Variants in XPNPEP3 observed in about 807,000 individuals in gnomAD.
XPNPEP3 encodes X-prolyl aminopeptidase 3.
Under a neutral mutation model 60.0 loss-of-function variants are expected in XPNPEP3, and 41 were observed. That is an observed-to-expected ratio of 0.68 (90% CI 0.53 to 0.89). XPNPEP3 has a LOEUF of 0.89. Ranked by LOEUF, XPNPEP3 falls within the 40% of genes least tolerant of loss-of-function variation. XPNPEP3 has a pLI of 0.00. For synonymous variants in XPNPEP3, 212 were observed against 223.2 expected (o/e 0.95, Z 0.45); for missense variants, 598 against 638.9 (o/e 0.94, Z 0.69).
At chr22:40,915,517 A>G (rs1245179446) in intron 7 of XPNPEP3, among the ~76,000 whole-genome samples, 1 of 150,780 alleles carries the variant, frequency 6.6e-6, no homozygotes, top group Non-Finnish European at 1.5e-5. Context: ...TGGACTCTGC[A>G]CTCCAGCCTG....
At chr22:40,889,583 T>G (rs1461602757) in intron 4 of XPNPEP3, among the ~76,000 whole-genome samples, 1 of 152,200 alleles carries the variant, frequency 6.6e-6, no homozygotes, top group Non-Finnish European at 1.5e-5. Flanking sequence ...ATCTCAGCAC[T>G]GAGGCCAAGG....
At chr22:40,872,461 T>G (rs957207434) in intron 2 of XPNPEP3, among the ~76,000 whole-genome samples, 3 of 152,130 alleles carry the variant, frequency 2.0e-5, no homozygotes, top group Admixed American at 1.3e-4. Flanking sequence ...TACTTTTTTT[T>G]TTTTTTGAGA....
chr22:40,873,054 A>G (rs1264274482), intron 2 of XPNPEP3, among the ~76,000 whole-genome samples: 2 of 145,906 alleles, frequency 1.4e-5, no homozygotes, highest in Non-Finnish European at 3.0e-5. Context: ...TGTCTGACAT[A>G]TGTAGAACCA....
intron 7 of XPNPEP3, among the ~76,000 whole-genome samples, chr22:40,916,287 A>G (rs1177458953): frequency 6.6e-6 from 1 of 151,842 alleles, no homozygotes; most frequent in African/African-American, 2.4e-5. Flanking sequence ...GTGAGACTCC[A>G]TCTCAAACAA....
At chr22:40,899,184 A>T (rs998582420) in intron 4 of XPNPEP3, among the ~76,000 whole-genome samples, 2 of 152,186 alleles carry the variant, frequency 1.3e-5, no homozygotes, top group South Asian at 4.1e-4. Flanking sequence ...TTGCCACTCG[A>T]ATTATTTTAG....
chr22:40,919,972 AT>A (rs1311342771), intron 7 of XPNPEP3, among the ~76,000 whole-genome samples: 2 of 152,242 alleles, frequency 1.3e-5, no homozygotes, highest in African/African-American at 4.8e-5. Context: ...ACAAAAGAGT[AT>A]ATATTATATG....
intron 2 of XPNPEP3, among the ~76,000 whole-genome samples, chr22:40,880,254 T>C (rs544126552): frequency 1.3e-5 from 2 of 151,790 alleles, no homozygotes; most frequent in Admixed American, 1.3e-4. Context: ...AGTATAGAAA[T>C]GGCTGAATAA....
intron 7 of XPNPEP3, among the ~76,000 whole-genome samples, chr22:40,919,318 G>A (rs1191539423): frequency 6.6e-6 from 1 of 152,178 alleles, no homozygotes; most frequent in Admixed American, 6.5e-5. Flanking sequence ...ACTTTGGGAG[G>A]CCAAGGCGAG....
chr22:40,924,841 A>C (rs967682036), intron 9 of XPNPEP3, among the ~76,000 whole-genome samples: 1 of 152,104 alleles, frequency 6.6e-6, no homozygotes, highest in Non-Finnish European at 1.5e-5. Flanking sequence ...TTTTTACCTC[A>C]ACCAATGTAA....
At chr22:40,925,025 C>G (rs2058230078) in intron 9 of XPNPEP3, among the ~76,000 whole-genome samples, 1 of 152,078 alleles carries the variant, frequency 6.6e-6, no homozygotes, top group Non-Finnish European at 1.5e-5. Flanking sequence ...CTTTTTTAAT[C>G]CTGCCTTTCC....
chr22:40,916,668 A>G (rs2058197229), intron 7 of XPNPEP3, among the ~76,000 whole-genome samples: 1 of 152,224 alleles, frequency 6.6e-6, no homozygotes, highest in Non-Finnish European at 1.5e-5. Flanking sequence ...ATAAATTACA[A>G]GGAAATGAAA....
chr22:40,928,753 C>T lies in XPNPEP3; in HGVS notation c.*2318C>T, dbSNP rs1035086610. 1.3e-5 allele frequency: 2 copies of T among 152,180 alleles called. No individual in the cohort carries two copies. The highest frequency in any genetic ancestry group is 4.8e-5 in the African/African-American group (2 of 41,436). The allele number at this position is 152,180 out of a possible 1,614,324, so 9.4% of individuals were successfully genotyped here. ...AAAAACAATTTGTATTAGGGAAGCA[C>T]AAGCTAGGGGATTAACAATCTCTGT... On this transcript the variant is annotated 3_prime_UTR_variant, in exon 10 of 10. Transcript: ENST00000357137.
chr22:40,882,861 C>T (rs1569020385), intron 3 of XPNPEP3, among the ~76,000 whole-genome samples: 1 of 152,072 alleles, frequency 6.6e-6, no homozygotes, highest in Non-Finnish European at 1.5e-5. Context: ...ACTCCATGTT[C>T]ACTGGATTAT....
intron 3 of XPNPEP3, among the ~76,000 whole-genome samples, chr22:40,885,272 A>C (rs1244807552): frequency 1.3e-5 from 2 of 152,134 alleles, no homozygotes; most frequent in Admixed American, 6.6e-5. Context: ...TCTCACTTGG[A>C]TTGTTAGGAA....
At chr22:40,866,235 A>C (rs1188606062) in intron 1 of XPNPEP3, among the ~76,000 whole-genome samples, 1 of 152,096 alleles carries the variant, frequency 6.6e-6, no homozygotes, top group African/African-American at 2.4e-5. Context: ...CACTGGGAAA[A>C]TAAAGTCAAA....
intron 7 of XPNPEP3, among the ~76,000 whole-genome samples, chr22:40,919,109 A>T (rs558965547): frequency 1.1e-4 from 17 of 152,254 alleles, no homozygotes; most frequent in East Asian, 5.8e-4. Flanking sequence ...ACAATTAAAA[A>T]TTTTTTAAAT....
intron 2 of XPNPEP3, chr22:40,870,081 A>G: frequency 2.1e-6 from 1 of 471,030 alleles, no homozygotes; most frequent in Non-Finnish European, 4.4e-6. Context: ...GGCTGAAACT[A>G]AGGAAATGCA....
intron 5 of XPNPEP3, 99 bp downstream of exon 5, chr22:40,907,748 A>G: frequency 8.8e-7 from 1 of 1,142,288 alleles, no homozygotes. Context: ...GATAGTGATG[A>G]CCAGCATGTC....
chr22:40,907,609 C>G lies in XPNPEP3; in HGVS notation c.815C>G (p.Thr272Ser). The change falls in exon 5 of 10, where the codon ACC becomes AGC. Residue 272 changes from threonine to serine, a missense_variant. Physicochemically the swap from Thr to Ser is moderately conservative, Grantham distance 58. Transcript: ENST00000357137. ...CAGGCTTTCATAGAAACCATGTTCA[C>G]CAGTAAAGCCCCTGTGGAAGAAGCC... ...TSQAFIETMF[T>S]SKAPVEEAFL... 1 of 1,614,044 alleles carries G rather than the reference C, an allele frequency of 6.2e-7. No homozygotes were observed. Among genetic ancestry groups the G allele is most frequent in the South Asian group, 1.1e-5 (1 of 91,080 alleles).
Sources: allele counts gnomAD v4.1 joint callset (sites outside exome capture counted in the v4.1 genomes callset), GRCh38; gene constraint gnomAD v4.1.1; transcripts MANE v1.5; gene names NCBI Gene and HGNC (gene_info 2026-07-23, HGNC 2026-07-21).